Variants in ERBIN observed in about 807,000 individuals in gnomAD.
The protein encoded by ERBIN is densin-180-like protein.
Under a neutral mutation model 158.4 loss-of-function variants are expected in ERBIN, and 60 were observed. That is an observed-to-expected ratio of 0.38 (90% CI 0.31 to 0.47). ERBIN has a LOEUF of 0.47. Ranked by LOEUF, ERBIN falls within the 20% of genes least tolerant of loss-of-function variation. The pLI is 0.99. For synonymous variants in ERBIN, 594 were observed against 557.2 expected (o/e 1.07, Z -0.93); for missense variants, 1,610 against 1,648.0 (o/e 0.98, Z 0.40).
intron 4 of ERBIN, among the ~76,000 whole-genome samples, chr5:66,003,092 TATC>T (rs1753175137): frequency 6.6e-6 from 1 of 152,240 alleles, no homozygotes; most frequent in Non-Finnish European, 1.5e-5. Flanking sequence ...CTCTGGAAGC[TATC>T]ATCATTTGAG....
intron 4 of ERBIN, among the ~76,000 whole-genome samples, chr5:66,003,794 G>C (rs1753246451): frequency 6.6e-6 from 1 of 152,072 alleles, no homozygotes; most frequent in Admixed American, 6.5e-5. Context: ...GCTCCTAGGT[G>C]TCAGAAGGGG....
At chr5:66,000,142 T>A (rs540294867) in intron 4 of ERBIN, among the ~76,000 whole-genome samples, 4 of 152,294 alleles carry the variant, frequency 2.6e-5, no homozygotes, top group African/African-American at 9.6e-5. Flanking sequence ...TCAAGATAAT[T>A]TGGGTATTGA....
intron 15 of ERBIN, 117 bp downstream of exon 15, chr5:66,038,599 A>C: frequency 1.5e-6 from 1 of 665,654 alleles, no homozygotes; most frequent in Admixed American, 3.4e-5. Flanking sequence ...AGAATTGACC[A>C]AAACAGTTTG....
chr5:65,989,170 G>T (rs1751597394), intron 2 of ERBIN, among the ~76,000 whole-genome samples: 1 of 152,116 alleles, frequency 6.6e-6, no homozygotes, highest in South Asian at 2.1e-4. Context: ...GTTCTGATCA[G>T]GCTAGGCTTT....
rs978606183 is a variant in ERBIN, at chr5:66,032,966, C to A, written c.1206+4623C>A. Among the ~76,000 whole-genome samples, 14 of 152,144 alleles carry A rather than the reference C, an allele frequency of 9.2e-5. 1 individual carries two copies. Among genetic ancestry groups the A allele is most frequent in the African/African-American group, 3.4e-4 (14 of 41,426 alleles). On this transcript the variant is annotated intron_variant, in intron 14 of 25. Coordinates refer to ENST00000284037, the MANE Select transcript of ERBIN (RefSeq NM_001253697.2). ...TATGTTTATGGGAAGATGCTAAGTT[C>A]TAGTTAAACATGTTGAGTTAGAAGT... is the stretch of plus-strand genomic sequence containing the variant.
At chr5:65,940,791 C>G (rs1327098138) in intron 1 of ERBIN, among the ~76,000 whole-genome samples, 3 of 151,976 alleles carry the variant, frequency 2.0e-5, no homozygotes, top group African/African-American at 7.3e-5. Context: ...CCCCTCTGCC[C>G]AGCCACCACC....
At chr5:66,066,320 A>G (rs1472706998) in intron 21 of ERBIN, among the ~76,000 whole-genome samples, 13 of 152,152 alleles carry the variant, frequency 8.5e-5, no homozygotes, top group Admixed American at 7.2e-4. Flanking sequence ...TACACCCACC[A>G]TCTTAATTCT....
intron 1 of ERBIN, among the ~76,000 whole-genome samples, chr5:65,944,719 G>A (rs1283275403): frequency 6.6e-6 from 1 of 152,060 alleles, no homozygotes; most frequent in Non-Finnish European, 1.5e-5. Context: ...GTTTTGATTA[G>A]CATTTCCTTG....
chr5:66,002,039 C>T (rs1753059219), intron 4 of ERBIN, among the ~76,000 whole-genome samples: 1 of 152,070 alleles, frequency 6.6e-6, no homozygotes, highest in Non-Finnish European at 1.5e-5. Context: ...TGTTCAACTC[C>T]CACTTATGAG....
chr5:65,950,790 A>AT (rs80243692), intron 1 of ERBIN, among the ~76,000 whole-genome samples: 57 of 144,794 alleles, frequency 3.9e-4, no homozygotes, highest in East Asian at 6.0e-4. Context: ...ATTCATATGT[A>AT]TTTTTTTTTT....
At chr5:65,964,908 TTGTGTGTGTGTGTG>T (rs70987104) in intron 1 of ERBIN, among the ~76,000 whole-genome samples, 21 of 107,258 alleles carry the variant, frequency 2.0e-4, no homozygotes, top group Non-Finnish European at 3.0e-4. Flanking sequence ...CCTGGCTGAT[TTGTGTGTGTGTGTG>T]TGTGTGTGTG....
At chr5:66,078,332 C>A (rs1005758106) in intron 25 of ERBIN, 91 bp from the exon 26 acceptor site, 172 of 800,562 alleles carry the variant, frequency 2.1e-4, no homozygotes, top group Admixed American at 1.2e-4. Context: ...CAAAGTGATT[C>A]TTATTTTCTT....
intron 1 of ERBIN, chr5:65,961,228 C>T (rs1289666606): frequency 6.6e-6 from 1 of 152,118 alleles, no homozygotes; most frequent in Non-Finnish European, 1.5e-5. Context: ...GGGCAAGTGG[C>T]CTTAATTATG....
intron 1 of ERBIN, among the ~76,000 whole-genome samples, chr5:65,948,950 G>GAC (rs1216208561): frequency 1.3e-5 from 2 of 151,886 alleles, no homozygotes; most frequent in African/African-American, 4.8e-5. Flanking sequence ...TTTTGGTAGA[G>GAC]ACGGGGTTTC....
rs566364161 is a variant in ERBIN, at chr5:65,992,037, A to G, written c.-9-673A>G. The stretch of plus-strand genomic sequence containing the variant: ...TTCCTACTCAAAACTGCACTTAATC[A>G]TGTCCTTAATGAAGACTCATAGAAC... On this transcript the variant is annotated intron_variant, in intron 2 of 25. Transcript: ENST00000284037. Among the ~76,000 whole-genome samples the G allele has an allele frequency of 2.0e-5, 3 of 152,338 alleles. No homozygotes were observed. In the East Asian group the frequency reaches 5.8e-4, roughly 29 times the overall value.
At chr5:65,949,765 C>T (rs1294812027) in intron 1 of ERBIN, among the ~76,000 whole-genome samples, 2 of 152,058 alleles carry the variant, frequency 1.3e-5, no homozygotes, top group Non-Finnish European at 2.9e-5. Context: ...TCAAGTTTTC[C>T]ACAAATGTCC....
At chr5:66,073,791 A>G (rs145653395) in intron 22 of ERBIN, among the ~76,000 whole-genome samples, 91 of 152,310 alleles carry the variant, frequency 6.0e-4, no homozygotes, top group African/African-American at 2.1e-3. Context: ...TTAATAACCA[A>G]CAAGGAAATT....
chr5:65,989,790 A>G (rs1561339537), intron 2 of ERBIN, among the ~76,000 whole-genome samples: 2 of 152,248 alleles, frequency 1.3e-5, no homozygotes, highest in African/African-American at 4.8e-5. Flanking sequence ...CTAAGTGTAA[A>G]TAGCCACATG....
chr5:65,940,271 C>A (rs1744700213), intron 1 of ERBIN, among the ~76,000 whole-genome samples: 1 of 150,774 alleles, frequency 6.6e-6, no homozygotes, highest in Non-Finnish European at 1.5e-5. Flanking sequence ...CGTCTCTGCC[C>A]AGCCGCCCCG....
Sources: gnomAD v4.1 joint callset for allele counts (sites outside exome capture counted in the v4.1 genomes callset) on GRCh38, gnomAD v4.1.1 for gene constraint, MANE v1.5 for transcripts, NCBI Gene and HGNC (gene_info 2026-07-23, HGNC 2026-07-21) for gene names.